The following BBS9 variants were observed in gnomAD, a reference collection of about 807,000 sequenced individuals.
The protein encoded by BBS9 is Bardet-Biedl syndrome 9.
In BBS9, 89 loss-of-function variants were observed where a neutral mutation model predicts 117.7. The ratio of observed to expected loss-of-function variants is 0.76; its 90% CI spans 0.64 to 0.90. The LOEUF is 0.90. Ranked by LOEUF, BBS9 falls within the 40% of genes least tolerant of loss-of-function variation. The pLI is 0.00. For synonymous variants in BBS9, 379 were observed against 370.9 expected, an observed-to-expected ratio of 1.02 and a Z score of -0.25; for missense variants, 982 against 1,042.2, an observed-to-expected ratio of 0.94 and a Z score of 0.80.
intron 19 of BBS9, among the ~76,000 whole-genome samples, chr7:33,480,748 G>T (rs1196936908): frequency 1.3e-5 from 2 of 150,534 alleles, no homozygotes; most frequent in Non-Finnish European, 2.9e-5. Context: ...AATGTCATAT[G>T]GTTAGGCTTT....
chr7:33,507,138 C>G (rs1285111518), intron 20 of BBS9, among the ~76,000 whole-genome samples: 2 of 152,132 alleles, frequency 1.3e-5, no homozygotes, highest in East Asian at 3.9e-4. Context: ...ACATAGAGTG[C>G]TAAAGATTAG....
chr7:33,551,083 G>T (rs1338934011), intron 21 of BBS9, among the ~76,000 whole-genome samples: 1 of 152,104 alleles, frequency 6.6e-6, no homozygotes, highest in African/African-American at 2.4e-5. Flanking sequence ...CAATAGGATG[G>T]TTTTTATTTA....
chr7:33,502,188 G>A (rs747436350), intron 19 of BBS9, among the ~76,000 whole-genome samples: 5 of 152,176 alleles, frequency 3.3e-5, no homozygotes, highest in Non-Finnish European at 7.3e-5. Context: ...GATTACAGGT[G>A]TGAGTCACAC....
At chr7:33,162,172 A>G (rs776654800) in intron 4 of BBS9, among the ~76,000 whole-genome samples, 1 of 152,062 alleles carries the variant, frequency 6.6e-6, no homozygotes, top group Non-Finnish European at 1.5e-5. Flanking sequence ...TAGGGTTTTT[A>G]TGGTTTTAGG....
intron 19 of BBS9, among the ~76,000 whole-genome samples, chr7:33,438,248 G>T (rs1262628487): frequency 6.6e-6 from 1 of 152,148 alleles, no homozygotes; most frequent in Admixed American, 6.5e-5. Context: ...AAAGGGAGAA[G>T]CTTATATTTT....
intron 9 of BBS9, among the ~76,000 whole-genome samples, chr7:33,306,382 G>A (rs182529910): frequency 2.4e-4 from 37 of 152,052 alleles, no homozygotes; most frequent in African/African-American, 4.8e-5. Context: ...TTCCATGTGC[G>A]AAATTCATTT....
At chr7:33,273,785 A>G (rs1004768008) in intron 8 of BBS9, 42 bp from the exon 9 acceptor site, 3 of 1,580,586 alleles carry the variant, frequency 1.9e-6, no homozygotes, top group African/African-American at 2.7e-5. Flanking sequence ...TTTCCAAATG[A>G]CTGTTTTCTT....
intron 21 of BBS9, among the ~76,000 whole-genome samples, chr7:33,550,788 C>T (rs534637034): frequency 2.6e-5 from 4 of 152,056 alleles, no homozygotes; most frequent in African/African-American, 9.6e-5. Flanking sequence ...TATCTTGTTC[C>T]TGGTGGTTCT....
intron 21 of BBS9, among the ~76,000 whole-genome samples, chr7:33,546,477 A>G (rs902272702): frequency 2.0e-5 from 3 of 152,182 alleles, no homozygotes; most frequent in African/African-American, 7.2e-5. Context: ...AGAAGATTTT[A>G]TAGTTGCCTC....
intron 21 of BBS9, among the ~76,000 whole-genome samples, chr7:33,619,490 A>G (rs1865299920): frequency 1.3e-5 from 2 of 152,138 alleles, no homozygotes; most frequent in Non-Finnish European, 2.9e-5. Context: ...ACCTGAACAA[A>G]ACTAGTGACC....
chr7:33,352,168 CAG>C (rs949736927), intron 14 of BBS9: 2 of 152,730 alleles, frequency 1.3e-5, no homozygotes, highest in Non-Finnish European at 2.9e-5. Context: ...GGGCAGTAAT[CAG>C]AGTTTTAGAC....
chr7:33,560,826 GT>G (rs1186721590), intron 21 of BBS9, among the ~76,000 whole-genome samples: 1 of 152,104 alleles, frequency 6.6e-6, no homozygotes, highest in Non-Finnish European at 1.5e-5. Flanking sequence ...CATCAGGAAG[GT>G]TTTTTCCCTT....
chr7:33,567,987 C>T (rs529871184), intron 21 of BBS9, among the ~76,000 whole-genome samples: 7 of 152,304 alleles, frequency 4.6e-5, no homozygotes, highest in African/African-American at 1.7e-4. Flanking sequence ...GCAGCCTGTT[C>T]TCCCTTCCTG....
chr7:33,425,908 A>G (rs1373481357), intron 19 of BBS9, among the ~76,000 whole-genome samples: 2 of 152,242 alleles, frequency 1.3e-5, no homozygotes, highest in Non-Finnish European at 2.9e-5. Context: ...TAAAGTAAGC[A>G]CAAACAGAAA....
chr7:33,372,504 C>T (rs1823056636), intron 17 of BBS9, among the ~76,000 whole-genome samples: 1 of 152,182 alleles, frequency 6.6e-6, no homozygotes, highest in Non-Finnish European at 1.5e-5. Context: ...ATCAATCCCA[C>T]TTGATCATGG....
chr7:33,390,738 A>T (rs199952523), intron 19 of BBS9: 1 of 495,308 alleles, frequency 2.0e-6, no homozygotes, highest in African/African-American at 2.1e-5. Flanking sequence ...TAAATTTCCC[A>T]TCTTGGTTCC....
intron 5 of BBS9, among the ~76,000 whole-genome samples, chr7:33,189,629 T>C (rs1317130421): frequency 6.6e-6 from 1 of 151,566 alleles, no homozygotes; most frequent in Admixed American, 6.6e-5. Context: ...GGCTCACGCC[T>C]GTAATCCCAG....
intron 19 of BBS9, among the ~76,000 whole-genome samples, chr7:33,470,227 G>T (rs377327608): frequency 6.6e-6 from 1 of 151,620 alleles, no homozygotes; most frequent in African/African-American, 2.4e-5. Context: ...ATTTTTTCCA[G>T]ATTTTTACAT....
intron 17 of BBS9, among the ~76,000 whole-genome samples, chr7:33,378,380 G>T (rs974540706): frequency 5.3e-5 from 8 of 152,120 alleles, no homozygotes; most frequent in Admixed American, 5.2e-4. Flanking sequence ...CTATAAACAA[G>T]AATTATCTTC....
Sources: gnomAD v4.1 joint callset for allele counts (sites outside exome capture counted in the v4.1 genomes callset) on GRCh38, gnomAD v4.1.1 for gene constraint, MANE v1.5 for transcripts, NCBI Gene and HGNC (gene_info 2026-07-23, HGNC 2026-07-21) for gene names.